CHD1L: variants seen among roughly 807,000 people sequenced by gnomAD.
CHD1L encodes ATP-dependent chromatin remodeler CHD1L.
A neutral mutation model predicts 115.9 loss-of-function variants in CHD1L; 118 were observed. That is an observed-to-expected ratio of 1.02 (90% CI 0.88 to 1.19). The LOEUF is 1.19. Among genes scored for constraint, CHD1L ranks in the 50% most tolerant of loss-of-function variants. CHD1L has a pLI of 0.00. For synonymous variants in CHD1L, 411 were observed against 387.1 expected, an observed-to-expected ratio of 1.06 and a Z score of -0.72; for missense variants, 1,179 against 1,065.3, an observed-to-expected ratio of 1.11 and a Z score of -1.49.
the CHD1L span, among the ~76,000 whole-genome samples, chr1:147,221,896 T>C: frequency 1.3e-5 from 2 of 152,226 alleles, no homozygotes; most frequent in Non-Finnish European, 2.9e-5. Context: ...AATCCACTGC[T>C]TTCCAAAAGA....
At chr1:147,209,319 T>G in the CHD1L span, among the ~76,000 whole-genome samples, 3 of 151,126 alleles carry the variant, frequency 2.0e-5, no homozygotes, top group Admixed American at 6.6e-5. Flanking sequence ...GTGCCTGTAG[T>G]CCCAGCTACT....
At chr1:147,289,578 G>T (rs1470570480) in intron 19 of CHD1L, among the ~76,000 whole-genome samples, 1 of 152,164 alleles carries the variant, frequency 6.6e-6, no homozygotes, top group Admixed American at 6.5e-5. Flanking sequence ...TCTGAAGGAG[G>T]ATTGAAGCAG....
At chr1:147,218,553 C>T in the CHD1L span, among the ~76,000 whole-genome samples, 18 of 152,224 alleles carry the variant, frequency 1.2e-4, no homozygotes, top group Non-Finnish European at 1.6e-4. Context: ...GCAGAATTTA[C>T]CTTCCACACC....
the CHD1L span, among the ~76,000 whole-genome samples, chr1:147,236,648 G>C: frequency 6.6e-6 from 1 of 152,044 alleles, no homozygotes. Flanking sequence ...TCACAGAGAG[G>C]AGACCCTGGA....
the CHD1L span, among the ~76,000 whole-genome samples, chr1:147,236,204 C>G: frequency 1.3e-5 from 2 of 152,178 alleles, no homozygotes; most frequent in African/African-American, 4.8e-5. Context: ...TGCCTGGAAG[C>G]TTGGAGATGC....
intron 7 of CHD1L, among the ~76,000 whole-genome samples, chr1:147,265,501 CAA>C (rs1673537517): frequency 6.6e-6 from 1 of 152,082 alleles, no homozygotes; most frequent in Non-Finnish European, 1.5e-5. Flanking sequence ...GATTTTAAGT[CAA>C]AGAGCCAAAT....
chr1:147,286,064 TTTAGTC>T (rs1484609027), intron 17 of CHD1L, among the ~76,000 whole-genome samples: 9 of 152,180 alleles, frequency 5.9e-5, no homozygotes, highest in African/African-American at 2.2e-4. Flanking sequence ...AACAATCTCT[TTTAGTC>T]TTAAAAACAG....
chr1:147,265,650 G>A (rs1353338634), intron 7 of CHD1L, among the ~76,000 whole-genome samples: 2 of 152,114 alleles, frequency 1.3e-5, no homozygotes, highest in Admixed American at 6.6e-5. Context: ...GCTGATCAAT[G>A]AGATTAAACG....
the CHD1L span, among the ~76,000 whole-genome samples, chr1:147,185,788 G>A: frequency 6.6e-6 from 1 of 152,162 alleles, no homozygotes; most frequent in Non-Finnish European, 1.5e-5. Flanking sequence ...ATTTCTCCAT[G>A]AAACAAGAAC....
chr1:147,219,945 TCTC>T, the CHD1L span, among the ~76,000 whole-genome samples: 1 of 151,012 alleles, frequency 6.6e-6, no homozygotes, highest in Non-Finnish European at 1.5e-5. Flanking sequence ...TGCAAGCAAT[TCTC>T]CTGCCTCAGC....
At chr1:147,288,334 A>AAAAAAG (rs1684137081) in intron 19 of CHD1L, among the ~76,000 whole-genome samples, 2 of 1,268 alleles carry the variant, frequency 1.6e-3, no homozygotes, top group African/African-American at 2.4e-3. Flanking sequence ...ATAAAAAAAA[A>AAAAAAG]AAAAAAAAAA....
At chr1:147,207,147 G>C in the CHD1L span, among the ~76,000 whole-genome samples, 1 of 152,070 alleles carries the variant, frequency 6.6e-6, no homozygotes, top group African/African-American at 2.4e-5. Context: ...TTATGTAGGA[G>C]AATGCCCTTT....
chr1:147,264,675 TTGA>T, intron 7 of CHD1L, 91 bp downstream of exon 7: 1 of 1,376,518 alleles, frequency 7.3e-7, no homozygotes, highest in South Asian at 1.4e-5. Flanking sequence ...AGAAGGAGAA[TTGA>T]TGACCAGAGG....
intron 11 of CHD1L, 34 bp from the exon 12 acceptor site, chr1:147,272,137 G>A: frequency 6.4e-7 from 1 of 1,570,016 alleles, no homozygotes; most frequent in Non-Finnish European, 8.7e-7. Context: ...CTTGAAAAGG[G>A]TTAAGATTTC....
At chr1:147,183,142 G>A in the CHD1L span, among the ~76,000 whole-genome samples, 2 of 152,148 alleles carry the variant, frequency 1.3e-5, no homozygotes, top group Admixed American at 6.5e-5. Context: ...AGCTTGCAGT[G>A]AGCCGAGATG....
At chr1:147,258,879 T>TA (rs1670995590) in intron 5 of CHD1L, 1 of 152,226 alleles carries the variant, frequency 6.6e-6, no homozygotes, top group Admixed American at 6.5e-5. Flanking sequence ...AATAAAAAGT[T>TA]AAACATCTTA....
chr1:147,280,515 A>G (rs1481227669), intron 15 of CHD1L, among the ~76,000 whole-genome samples: 1 of 152,164 alleles, frequency 6.6e-6, no homozygotes, highest in African/African-American at 2.4e-5. Context: ...AAAGCCTACC[A>G]TCCTTGGTAT....
At position 147,243,033 on chromosome 1, in the gene CHD1L, G is replaced by A. The variant is rs1665286616; in HGVS notation, c.127+203G>A. The A allele has an allele frequency of 1.7e-5, 9 of 534,212 alleles. No individual in the cohort carries two copies. In the East Asian group the frequency reaches 3.0e-4, roughly 18 times the overall value. The allele number at this position is 534,212 out of a possible 1,614,324, so 33.1% of individuals were successfully genotyped here. On this transcript the variant is annotated intron_variant, in intron 1 of 22. Coordinates refer to ENST00000369258, the MANE Select transcript of CHD1L (RefSeq NM_004284.6). ...CCCCGCCTGCGCGGCGCGCGGGGCC[G>A]GCGGACGCCAGATGAATGAGGTCGC...
Position 147,267,531 on chromosome 1 carries a change from CT to C in CHD1L, c.988+17del. ...TATTTGTTTGATGGTGAGACAGTGCCTTTTCCCCCCACATTATTCTTTGGTA... is the reference window on the plus strand; with the variant it reads ...TATTTGTTTGATGGTGAGACAGTGCCTTTCCCCCCACATTATTCTTTGGTA... On this transcript the variant is annotated intron_variant, in intron 9 of 22. Coordinates refer to ENST00000369258, the MANE Select transcript of CHD1L (RefSeq NM_004284.6). 3.8e-6 allele frequency: 6 copies of C among 1,589,628 alleles called. No individual in the cohort carries two copies. The highest frequency in any genetic ancestry group is 1.3e-5 in the African/African-American group (1 of 74,228).
Sources: gnomAD v4.1 joint callset for allele counts (sites outside exome capture counted in the v4.1 genomes callset) on GRCh38, gnomAD v4.1.1 for gene constraint, MANE v1.5 for transcripts, NCBI Gene and HGNC (gene_info 2026-07-23, HGNC 2026-07-21) for gene names.